Variants in ADAR observed in about 807,000 individuals in gnomAD.
ADAR encodes the protein adenosine deaminase RNA specific.
A neutral mutation model predicts 113.2 loss-of-function variants in ADAR; 41 were observed. That is an observed-to-expected ratio of 0.36 (90% CI 0.28 to 0.47). The LOEUF is 0.47. Among genes scored for constraint, ADAR ranks in the 20% least tolerant of loss-of-function variants. The probability of loss-of-function intolerance (pLI) is 1.00; values close to 1 mark genes in which losing one functional copy is unlikely to be tolerated. For missense variants in ADAR, 1,242 were observed against 1,540.9 expected (o/e 0.81, Z 3.25); for synonymous variants, 605 against 572.6 (o/e 1.06, Z -0.81).
rs554825981 is a variant in ADAR at position 154,626,221 on chromosome 1, T to C, written c.-871+1634A>G. On this transcript the variant is annotated intron_variant, in intron 1 of 14. Coordinates refer to the ADAR transcript ENST00000368471. Reference sequence around the variant, plus strand: ...CCTCCACCACCTGGGTTTGAGAGATTGTCCTGCCTCAGCCTCCCAAGTAGC... The same window carrying C: ...CCTCCACCACCTGGGTTTGAGAGATCGTCCTGCCTCAGCCTCCCAAGTAGC... Among the ~76,000 whole-genome samples the C allele has an allele frequency of 4.0e-5, 6 of 151,246 alleles. No individual in the cohort carries two copies. In the South Asian group the frequency reaches 8.4e-4, roughly 21 times the overall value.
chr1:154,618,176 C>G (rs149626761), intron 1 of ADAR, among the ~76,000 whole-genome samples: 1 of 148,842 alleles, frequency 6.7e-6, no homozygotes, highest in East Asian at 2.0e-4. Context: ...ATTAAGAATA[C>G]CATATTCTTA....
intron 1 of ADAR, among the ~76,000 whole-genome samples, chr1:154,606,563 T>C (rs552203769): frequency 6.6e-6 from 1 of 152,172 alleles, no homozygotes; most frequent in South Asian, 2.1e-4. Flanking sequence ...CTTAGGGCAG[T>C]AGGGTTAGAG....
intron 1 of ADAR, among the ~76,000 whole-genome samples, chr1:154,603,270 G>A (rs1333091966): frequency 6.6e-6 from 1 of 152,180 alleles, no homozygotes; most frequent in Admixed American, 6.5e-5. Flanking sequence ...GTGGGAAAAG[G>A]CCACGGGACC....
chr1:154,590,933 G>A (rs58572547), intron 6 of ADAR, among the ~76,000 whole-genome samples: 4,625 of 152,108 alleles, frequency 0.03, 220 homozygotes, highest in African/African-American at 0.1. Flanking sequence ...CAGCCTGCGC[G>A]AGACAGCAAG....
intron 10 of ADAR, 116 bp downstream of exon 10, chr1:154,588,435 A>T: frequency 6.5e-7 from 1 of 1,528,722 alleles, no homozygotes; most frequent in Non-Finnish European, 9.0e-7. Flanking sequence ...CCTCAAACCC[A>T]CAGTGGAGTG....
At chr1:154,624,160 T>C (rs558069812) in intron 1 of ADAR, among the ~76,000 whole-genome samples, 2 of 152,358 alleles carry the variant, frequency 1.3e-5, no homozygotes, top group East Asian at 1.9e-4. Flanking sequence ...TTGGACTTTC[T>C]AGTTAAATAA....
Position 154,598,434 on chromosome 1 carries a change from ATGATTCTTC to A in ADAR, c.1744_1752del (p.Glu582_Ser584del). On this transcript the variant is annotated inframe_deletion, in exon 3 of 15. Transcript: ENST00000368474. ...GATTCTTTCTCTGTGGAATAGTGGG[ATGATTCTTC>A]TGATTTTCCACTGTCCTTGGCTTTG... The A allele has an allele frequency of 6.2e-7, 1 of 1,613,932 alleles. No individual in the cohort carries two copies. The highest frequency in any genetic ancestry group is 8.5e-7 in the Non-Finnish European group (1 of 1,180,024).
At position 154,602,429 on chromosome 1, in the gene ADAR, G is replaced by T; in HGVS notation, c.213C>A (p.Leu71=). Reference sequence around the variant, plus strand: ...CAAGTAGTACTGGAAACCTTGGCCGGAGTCCTGGGAGGGAAGGTGGCAGTG... The same window carrying T: ...CAAGTAGTACTGGAAACCTTGGCCGTAGTCCTGGGAGGGAAGGTGGCAGTG... The part of the protein sequence containing the change: ...TPSLPPSLPG[L]RPRFPVLLAS... Residue 71 remains leucine (L), a synonymous_variant, in exon 2 of 15, where the codon CTC becomes CTA. Coordinates refer to ENST00000368474, the MANE Select transcript of ADAR (RefSeq NM_001111.5). The T allele has an allele frequency of 6.2e-7, 1 of 1,610,332 alleles. No individual in the cohort carries two copies. Among genetic ancestry groups the T allele is most frequent in the Non-Finnish European group, 8.5e-7 (1 of 1,177,614 alleles).
chr1:154,610,872 GA>G (rs1444617040), upstream of ADAR, among the ~76,000 whole-genome samples: 20 of 147,020 alleles, frequency 1.4e-4, no homozygotes, highest in African/African-American at 5.0e-4. Flanking sequence ...CTTCTAGGGA[GA>G]AAGGTGGGAG....
intron 1 of ADAR, among the ~76,000 whole-genome samples, chr1:154,624,613 C>T (rs1698884343): frequency 6.6e-6 from 1 of 152,184 alleles, no homozygotes; most frequent in Non-Finnish European, 1.5e-5. Flanking sequence ...ACAATGAATG[C>T]ACATCAATCA....
At chr1:154,610,073 T>G (rs532301991), upstream of ADAR, among the ~76,000 whole-genome samples, 5 of 152,272 alleles carry the variant, frequency 3.3e-5, no homozygotes, top group South Asian at 1.0e-3. Context: ...ATGAAAAGGT[T>G]CTCAACCCCA....
At chr1:154,600,639 A>T (rs535215037) in intron 2 of ADAR, 2 of 273,808 alleles carry the variant, frequency 7.3e-6, no homozygotes, top group Admixed American at 5.0e-5. Flanking sequence ...ACGCCCAGCT[A>T]ATTTTTGTAT....
At chr1:154,611,630 T>C (rs891592323), upstream of ADAR, among the ~76,000 whole-genome samples, 2 of 152,192 alleles carry the variant, frequency 1.3e-5, no homozygotes, top group African/African-American at 4.8e-5. Context: ...CCTTCGAGCA[T>C]TTTCCCTGTG....
At position 154,585,213 on chromosome 1, in the gene ADAR, T is replaced by C. The variant is rs1696669883; in HGVS notation, c.3443+4A>G. 1 of 1,614,124 alleles carries C rather than the reference T, an allele frequency of 6.2e-7. No homozygotes were observed. The highest frequency in any genetic ancestry group is 8.5e-7 in the Non-Finnish European group (1 of 1,180,016). On this transcript the variant is annotated splice_donor_region_variant and intron_variant, in intron 14 of 14. Transcript: ENST00000368474. Reference sequence around the variant, plus strand: ...GTCCTCACTGCGCTCTCCTGTCTCCTTACCCATCCACAGTGCCTCTGGTAC... The same window carrying C: ...GTCCTCACTGCGCTCTCCTGTCTCCCTACCCATCCACAGTGCCTCTGGTAC...
At chr1:154,607,005 C>A (rs1698234441) in intron 1 of ADAR, among the ~76,000 whole-genome samples, 1 of 150,504 alleles carries the variant, frequency 6.6e-6, no homozygotes, top group East Asian at 1.9e-4. Flanking sequence ...AAAATTTATC[C>A]TTTTAAGTGT....
chr1:154,584,796 C>T lies in ADAR; in HGVS notation c.*10G>A, dbSNP rs751814000. 2.5e-6 allele frequency: 4 copies of T among 1,606,314 alleles called. No individual in the cohort carries two copies. Among genetic ancestry groups the T allele is most frequent in the Middle Eastern group, 1.8e-4 (1 of 5,588 alleles). ...ATGACACACCCTAATCCATCTGTCA[C>T]TGGAGCATACTATACTGGGCAGAGA... On this transcript the variant is annotated 3_prime_UTR_variant, in exon 15 of 15. Transcript: ENST00000368474.
chr1:154,598,313 T>C (rs1697638553), intron 3 of ADAR, 89 bp downstream of exon 3: 3 of 1,420,516 alleles, frequency 2.1e-6, no homozygotes, highest in Non-Finnish European at 3.0e-6. Flanking sequence ...TGGTGTCAGT[T>C]GTTTAGGCTG....
chr1:154,597,723 A>G (rs1219496398), intron 4 of ADAR, 105 bp downstream of exon 4: 1 of 1,472,480 alleles, frequency 6.8e-7, no homozygotes, highest in Non-Finnish European at 9.5e-7. Flanking sequence ...ATTTTGAAAC[A>G]GGAGAAATTG....
intron 11 of ADAR, 77 bp downstream of exon 11, chr1:154,588,048 C>G: frequency 1.9e-6 from 3 of 1,599,520 alleles, no homozygotes; most frequent in Non-Finnish European, 2.6e-6. Context: ...AAAATCCTAG[C>G]AGCCTTGTAG....
Sources: allele counts gnomAD v4.1 joint callset (sites outside exome capture counted in the v4.1 genomes callset), GRCh38; gene constraint gnomAD v4.1.1; transcripts MANE v1.5; gene names NCBI Gene and HGNC (gene_info 2026-07-23, HGNC 2026-07-21).